The following DNAJC13 variants were observed in gnomAD, a reference collection of about 807,000 sequenced individuals.
The protein encoded by DNAJC13 is dnaJ homolog subfamily C member 13.
A neutral mutation model predicts 290.5 loss-of-function variants in DNAJC13; 75 were observed. The observed-to-expected ratio is 0.26, with a 90% CI of 0.21 to 0.31. The LOEUF (loss-of-function observed/expected upper bound fraction) is 0.31, where lower values mean the gene tolerates loss of function less well. DNAJC13 is among the 10% of genes least tolerant of loss of function. DNAJC13 has a pLI of 1.00. For synonymous variants in DNAJC13, 862 were observed against 892.0 expected, an observed-to-expected ratio of 0.97 and a Z score of 0.60; for missense variants, 2,260 against 2,674.5, an observed-to-expected ratio of 0.85 and a Z score of 3.42.
At chr3:132,528,400 A>AT (rs1936323793) in intron 54 of DNAJC13, 68 bp downstream of exon 54, 1 of 1,562,868 alleles carries the variant, frequency 6.4e-7, no homozygotes, top group Non-Finnish European at 8.7e-7. Flanking sequence ...TGGTCCACGT[A>AT]CCTGTGTTCA....
intron 2 of DNAJC13, among the ~76,000 whole-genome samples, chr3:132,436,244 G>A (rs138936960): frequency 4.6e-4 from 70 of 152,164 alleles, no homozygotes; most frequent in African/African-American, 1.5e-3. Context: ...TTTGGCAGGC[G>A]TTAATCTACT....
intron 31 of DNAJC13, 23 bp from the exon 32 acceptor site, chr3:132,490,874 T>C: frequency 6.6e-7 from 1 of 1,505,342 alleles, no homozygotes. Flanking sequence ...TTTGACTACC[T>C]TTTGTTTTGT....
intron 36 of DNAJC13, among the ~76,000 whole-genome samples, chr3:132,496,904 C>T (rs990569735): frequency 3.9e-5 from 6 of 152,192 alleles, no homozygotes; most frequent in Admixed American, 1.3e-4. Flanking sequence ...CTGACATCTT[C>T]GCTCTGTGGA....
intron 39 of DNAJC13, among the ~76,000 whole-genome samples, chr3:132,501,723 A>G (rs1228384609): frequency 6.6e-6 from 1 of 152,216 alleles, no homozygotes; most frequent in Non-Finnish European, 1.5e-5. Context: ...TAGATGAGAT[A>G]GATGACTGGG....
chr3:132,495,340 C>T (rs989563281), intron 35 of DNAJC13, among the ~76,000 whole-genome samples, 174 bp downstream of exon 35: 1 of 152,170 alleles, frequency 6.6e-6, no homozygotes, highest in Non-Finnish European at 1.5e-5. Flanking sequence ...GATGCTCCCT[C>T]AGTTTACCAG....
intron 6 of DNAJC13, among the ~76,000 whole-genome samples, chr3:132,452,725 T>G (rs931071766): frequency 6.6e-6 from 1 of 152,206 alleles, no homozygotes; most frequent in African/African-American, 2.4e-5. Flanking sequence ...TTCCAAATGC[T>G]GAAAAACTCT....
chr3:132,454,458 A>AT (rs1933524923), intron 9 of DNAJC13, among the ~76,000 whole-genome samples: 2 of 150,952 alleles, frequency 1.3e-5, no homozygotes, highest in African/African-American at 4.9e-5. Context: ...AGTAGCTGGG[A>AT]TTACAGGTGT....
chr3:132,474,530 G>C (rs923553222), intron 21 of DNAJC13: 1 of 152,430 alleles, frequency 6.6e-6, no homozygotes, highest in African/African-American at 2.4e-5. Flanking sequence ...GGGAGCCACT[G>C]CGCCTGGCCA....
At chr3:132,484,286 A>G (rs1397455819) in intron 28 of DNAJC13, 2 of 425,988 alleles carry the variant, frequency 4.7e-6, no homozygotes, top group Non-Finnish European at 8.8e-6. Context: ...TTTGGGGGAA[A>G]ATACCCACTG....
intron 22 of DNAJC13, 82 bp from the exon 23 acceptor site, chr3:132,477,707 A>C: frequency 7.2e-6 from 7 of 968,892 alleles, no homozygotes; most frequent in Non-Finnish European, 1.1e-5. Context: ...TTTTGAACAG[A>C]AAGAACTATA....
intron 1 of DNAJC13, among the ~76,000 whole-genome samples, chr3:132,422,422 A>G (rs1297740027): frequency 6.6e-6 from 1 of 152,182 alleles, no homozygotes; most frequent in Non-Finnish European, 1.5e-5. Context: ...CTCATCCACT[A>G]AATGCTAGTA....
At chr3:132,467,589 C>G (rs1321085212) in intron 20 of DNAJC13, among the ~76,000 whole-genome samples, 1 of 152,116 alleles carries the variant, frequency 6.6e-6, no homozygotes, top group Non-Finnish European at 1.5e-5. Flanking sequence ...CCTCAGCCTC[C>G]CGAGTAGCTG....
intron 48 of DNAJC13, among the ~76,000 whole-genome samples, chr3:132,522,421 T>G (rs1400125556): frequency 6.6e-6 from 1 of 152,034 alleles, no homozygotes; most frequent in Non-Finnish European, 1.5e-5. Context: ...TGAGAAAAAT[T>G]AGTTTGTGTG....
chr3:132,521,113 C>T (rs1287816042), intron 48 of DNAJC13, among the ~76,000 whole-genome samples: 1 of 151,980 alleles, frequency 6.6e-6, no homozygotes, highest in Non-Finnish European at 1.5e-5. Context: ...ACCTTAAACA[C>T]AACAGTCATG....
In DNAJC13 at chr3:132,526,185, G is replaced by A; in HGVS notation, c.6285G>A (p.Leu2095=). The A allele has an allele frequency of 2.5e-6, 4 of 1,614,120 alleles. No individual in the cohort carries two copies. The highest frequency in any genetic ancestry group is 1.1e-5 in the South Asian group (1 of 91,082). Residue 2095 remains leucine, a synonymous_variant, in exon 53 of 56, where the codon CTG becomes CTA. Transcript: ENST00000260818. ...AMASLETIGP[L]MNGMKKRADT... ...CATCTTTAGAGACCATTGGCCCACT[G>A]ATGAATGGAATGAAAAAGCGAGCAG...
intron 20 of DNAJC13, among the ~76,000 whole-genome samples, chr3:132,468,224 C>T (rs906506537): frequency 6.6e-6 from 1 of 152,146 alleles, no homozygotes; most frequent in Non-Finnish European, 1.5e-5. Flanking sequence ...ATTGAGATGT[C>T]CTGTAGAAGC....
At chr3:132,517,330 C>T (rs1297876990) in intron 48 of DNAJC13, among the ~76,000 whole-genome samples, 1 of 152,166 alleles carries the variant, frequency 6.6e-6, no homozygotes, top group African/African-American at 2.4e-5. Flanking sequence ...TCTCTGGATC[C>T]ATGGTCCAGT....
At chr3:132,512,039 G>T (rs1935792402) in intron 44 of DNAJC13, among the ~76,000 whole-genome samples, 1 of 152,128 alleles carries the variant, frequency 6.6e-6, no homozygotes, top group African/African-American at 2.4e-5. Context: ...TGTACATTGG[G>T]ATGTTATTAA....
intron 20 of DNAJC13, among the ~76,000 whole-genome samples, chr3:132,472,052 C>T (rs1019733580): frequency 2.7e-5 from 4 of 150,012 alleles, no homozygotes; most frequent in African/African-American, 4.9e-5. Flanking sequence ...GGAGACCGGC[C>T]CGGCCAACAC....
Sources: gnomAD v4.1 joint callset for allele counts (sites outside exome capture counted in the v4.1 genomes callset) on GRCh38, gnomAD v4.1.1 for gene constraint, MANE v1.5 for transcripts, NCBI Gene and HGNC (gene_info 2026-07-23, HGNC 2026-07-21) for gene names.